ITPKC: variants seen among roughly 807,000 people sequenced by gnomAD.
The protein encoded by ITPKC is inositol-trisphosphate 3-kinase C.
Under a neutral mutation model 67.1 loss-of-function variants are expected in ITPKC, and 33 were observed. The observed-to-expected ratio is 0.49, with a 90% CI of 0.37 to 0.66. The LOEUF (loss-of-function observed/expected upper bound fraction) is 0.66. Among genes scored for constraint, ITPKC ranks in the 30% least tolerant of loss-of-function variants. ITPKC has a pLI of 0.00. For missense variants in ITPKC, 820 were observed against 892.1 expected (o/e 0.92, Z 1.03); for synonymous variants, 341 against 359.8 (o/e 0.95, Z 0.59).
At chr19:40,723,861 C>T (rs2082233958) in intron 1 of ITPKC, among the ~76,000 whole-genome samples, 1 of 152,174 alleles carries the variant, frequency 6.6e-6, no homozygotes, top group East Asian at 1.9e-4. Flanking sequence ...TCAGGATTTT[C>T]TGCAGTAACA....
intron 6 of ITPKC, among the ~76,000 whole-genome samples, chr19:40,738,881 C>G (rs1599658075): frequency 1.3e-5 from 2 of 152,100 alleles, no homozygotes; most frequent in Non-Finnish European, 2.9e-5. Flanking sequence ...TTTTCTCGAT[C>G]TGATAACCAA....
chr19:40,721,488 G>A (rs1026122473), intron 1 of ITPKC, among the ~76,000 whole-genome samples: 7 of 151,504 alleles, frequency 4.6e-5, no homozygotes, highest in African/African-American at 4.8e-5. Flanking sequence ...CTCCTGCCTC[G>A]GCCTCCCAAG....
chr19:40,718,145 C>T lies in ITPKC; in HGVS notation c.1010C>T (p.Pro337Leu), dbSNP rs1429401710. 6.2e-7 allele frequency: 1 copy of T among 1,605,724 alleles called. No individual in the cohort carries two copies. The highest frequency in any genetic ancestry group is 1.1e-5 in the South Asian group (1 of 90,884). ...VPRLIITPET[P>L]EPEAQPVGPP... ...CGCCTCATCATTACCCCTGAGACCC[C>T]TGAGCCTGAGGCCCAGCCAGTGGGA... The change falls in exon 1 of 7, where the codon CCT becomes CTT. Residue 337 changes from proline (P) to leucine (L), a missense_variant. By Grantham distance (98) the Pro-to-Leu change is moderately conservative. Coordinates refer to ENST00000263370, the MANE Select transcript of ITPKC (RefSeq NM_025194.3).
At position 40,733,878 on chromosome 19, in the gene ITPKC, G is replaced by A. The variant is rs980950226; in HGVS notation, c.1674+514G>A. On this transcript the variant is annotated intron_variant, in intron 4 of 6. Transcript: ENST00000263370. The stretch of plus-strand genomic sequence containing the variant: ...TCAGGACTAAGCTGGCCAACATAGG[G>A]AGCTTCTGTTTCTAGAAGAAAAAAA... Among the ~76,000 whole-genome samples the A allele has an allele frequency of 1.7e-4, 26 of 152,100 alleles. 1 individual carries two copies. The highest frequency in any genetic ancestry group is 1.5e-3 in the Admixed American group (23 of 15,264).
chr19:40,732,388 G>A (rs941096889), intron 3 of ITPKC, among the ~76,000 whole-genome samples: 2 of 151,470 alleles, frequency 1.3e-5, no homozygotes, highest in Admixed American at 6.6e-5. Context: ...AAATTATCCG[G>A]GTGTGGTGGC....
At chr19:40,735,601 T>G (rs1200351397) in intron 4 of ITPKC, among the ~76,000 whole-genome samples, 2 of 152,140 alleles carry the variant, frequency 1.3e-5, no homozygotes, top group African/African-American at 4.8e-5. Context: ...CTGATTTCTG[T>G]TCTACTGATC....
At chr19:40,737,274 C>T (rs1599656907) in intron 5 of ITPKC, among the ~76,000 whole-genome samples, 187 bp downstream of exon 5, 1 of 152,186 alleles carries the variant, frequency 6.6e-6, no homozygotes, top group African/African-American at 2.4e-5. Flanking sequence ...CCAGCTCTGC[C>T]GGTTGGCTCA....
Position 40,729,313 on chromosome 19 carries a change from A to G in ITPKC, c.1367A>G (p.Tyr456Cys). 1.2e-6 allele frequency: 2 copies of G among 1,614,202 alleles called. No individual in the cohort carries two copies. Among genetic ancestry groups the G allele is most frequent in the African/African-American group, 1.3e-5 (1 of 75,060 alleles). ...CCGCTGCGACCTTTCGTGCCTGCCT[A>G]CTATGGCATGGTGCTGCAGGATGGC... ...KDPLRPFVPAYYGMVLQDGQT... is the reference protein window; with the variant it reads ...KDPLRPFVPACYGMVLQDGQT... The change falls in exon 3 of 7, where the codon TAC (tyrosine) becomes TGC (cysteine). Residue 456 changes from tyrosine (Y) to cysteine (C), a missense_variant. Transcript: ENST00000263370.
chr19:40,727,630 G>A (rs993607125), intron 2 of ITPKC, among the ~76,000 whole-genome samples: 2 of 152,096 alleles, frequency 1.3e-5, no homozygotes, highest in Non-Finnish European at 2.9e-5. Flanking sequence ...CTCAGATGGG[G>A]CTGCCACGTG....
intron 1 of ITPKC, among the ~76,000 whole-genome samples, chr19:40,724,654 A>G (rs915534395): frequency 3.3e-5 from 5 of 152,002 alleles, no homozygotes; most frequent in African/African-American, 1.2e-4. Context: ...GGGGCTTCCA[A>G]TATTTGACAC....
At chr19:40,738,641 G>A (rs896575827) in intron 6 of ITPKC, among the ~76,000 whole-genome samples, 45 of 152,222 alleles carry the variant, frequency 3.0e-4, no homozygotes, top group Non-Finnish European at 1.5e-4. Flanking sequence ...GAGTCCAGGA[G>A]GTCAAGGCTG....
At chr19:40,738,127 C>G (rs1353309805) in intron 6 of ITPKC, among the ~76,000 whole-genome samples, 1 of 150,652 alleles carries the variant, frequency 6.6e-6, no homozygotes, top group Non-Finnish European at 1.5e-5. Context: ...AACCCCGTCT[C>G]TATTAAAAAT....
intron 1 of ITPKC, among the ~76,000 whole-genome samples, chr19:40,722,292 G>C (rs566296885): frequency 4.1e-4 from 63 of 152,260 alleles, no homozygotes; most frequent in African/African-American, 1.5e-3. Context: ...GTAACACCGA[G>C]ACGATAATCT....
chr19:40,730,206 G>A lies in ITPKC; in HGVS notation c.1469+791G>A, dbSNP rs1473535761. On this transcript the variant is annotated intron_variant, in intron 3 of 6. Transcript: ENST00000263370. ...CCCACTACGGCCTCCCAGAATGCTGGGATTATAGGCGTGAGCCACCACGCC... is the reference window on the plus strand; with the variant it reads ...CCCACTACGGCCTCCCAGAATGCTGAGATTATAGGCGTGAGCCACCACGCC... Among the ~76,000 whole-genome samples, 5 of 152,046 alleles carry A rather than the reference G, an allele frequency of 3.3e-5. No homozygotes were observed. The East Asian group carries it at 9.7e-4, about 29-fold the overall frequency.
chr19:40,725,123 A>G (rs954394752), intron 1 of ITPKC, among the ~76,000 whole-genome samples: 9 of 152,160 alleles, frequency 5.9e-5, no homozygotes, highest in Non-Finnish European at 1.2e-4. Context: ...GAAATGGGCA[A>G]AGAATTTCCC....
intron 2 of ITPKC, among the ~76,000 whole-genome samples, chr19:40,725,894 A>G (rs2082244350): frequency 6.6e-6 from 1 of 152,052 alleles, no homozygotes; most frequent in Admixed American, 6.6e-5. Flanking sequence ...GCTTGAGCCC[A>G]GGAGTTTAAG....
intron 1 of ITPKC, among the ~76,000 whole-genome samples, chr19:40,724,975 A>G (rs2082239497): frequency 6.6e-6 from 1 of 151,536 alleles, no homozygotes; most frequent in Non-Finnish European, 1.5e-5. Context: ...AAGATTTGGA[A>G]CTGTGTATGT....
At chr19:40,728,432 A>G (rs925617177) in intron 2 of ITPKC, among the ~76,000 whole-genome samples, 4 of 152,186 alleles carry the variant, frequency 2.6e-5, no homozygotes, top group African/African-American at 9.6e-5. Context: ...GCTGGCCACT[A>G]GAAGAAATTA....
chr19:40,731,645 C>T (rs1434252427), intron 3 of ITPKC, among the ~76,000 whole-genome samples: 1 of 142,038 alleles, frequency 7.0e-6, no homozygotes, highest in African/African-American at 2.6e-5. Flanking sequence ...CTCTGTGTCC[C>T]AGGCTGGAAT....
Sources: allele counts gnomAD v4.1 joint callset (sites outside exome capture counted in the v4.1 genomes callset), GRCh38; gene constraint gnomAD v4.1.1; transcripts MANE v1.5; gene names NCBI Gene and HGNC (gene_info 2026-07-23, HGNC 2026-07-21).